FAM117A: variants seen among roughly 807,000 people sequenced by gnomAD.
FAM117A encodes protein FAM117A.
In FAM117A, 21 loss-of-function variants were observed where a neutral mutation model predicts 44.1. That is an observed-to-expected ratio of 0.48 (90% CI 0.34 to 0.69). The LOEUF is 0.69. Ranked by LOEUF, FAM117A falls within the 30% of genes least tolerant of loss-of-function variation. The probability of loss-of-function intolerance (pLI) is 0.01; values close to 1 mark genes in which losing one functional copy is unlikely to be tolerated. For missense variants in FAM117A, 498 were observed against 589.9 expected, an observed-to-expected ratio of 0.84 and a Z score of 1.61; for synonymous variants, 220 against 238.3, an observed-to-expected ratio of 0.92 and a Z score of 0.71.
chr17:49,754,530 T>C (rs1361004073), intron 1 of FAM117A, among the ~76,000 whole-genome samples: 2 of 151,562 alleles, frequency 1.3e-5, no homozygotes, highest in African/African-American at 4.8e-5. Flanking sequence ...GGTCTCGATC[T>C]CCTGACGTCA....
chr17:49,776,734 C>G lies in FAM117A; in HGVS notation c.-621+11763G>C, dbSNP rs73335283. On this transcript the variant is annotated intron_variant, in intron 1 of 7. Coordinates refer to the FAM117A transcript ENST00000513602. ...AAAGGAGGAGGAGGCTGGCGCTGCCCTTTCAGAAAGCCTGCCAAAGCTAGG... is the reference window on the plus strand; with the variant it reads ...AAAGGAGGAGGAGGCTGGCGCTGCCGTTTCAGAAAGCCTGCCAAAGCTAGG... Among the ~76,000 whole-genome samples the G allele has an allele frequency of 8.6e-3, 1,311 of 152,234 alleles. 20 individuals are homozygous for G. Among genetic ancestry groups the G allele is most frequent in the African/African-American group, 0.03 (1,234 of 41,538 alleles).
chr17:49,762,766 G>T (rs1421963555), intron 1 of FAM117A, among the ~76,000 whole-genome samples: 1 of 152,158 alleles, frequency 6.6e-6, no homozygotes, highest in African/African-American at 2.4e-5. Flanking sequence ...TTTCACATCT[G>T]GTGTGAATCA....
intron 5 of FAM117A, 46 bp downstream of exon 5, chr17:49,719,714 G>C: frequency 6.7e-7 from 1 of 1,494,742 alleles, no homozygotes; most frequent in Non-Finnish European, 8.9e-7. Flanking sequence ...CCCAGGCCAA[G>C]TGAGGCACGG....
intron 1 of FAM117A, among the ~76,000 whole-genome samples, chr17:49,733,230 G>A (rs2073593939): frequency 6.6e-6 from 1 of 152,108 alleles, no homozygotes; most frequent in Admixed American, 6.5e-5. Flanking sequence ...TTCAGGACTG[G>A]TTAGCTCCCC....
intron 1 of FAM117A, among the ~76,000 whole-genome samples, chr17:49,784,332 A>T (rs1486429363): frequency 1.3e-5 from 2 of 152,178 alleles, no homozygotes; most frequent in Non-Finnish European, 2.9e-5. Context: ...CAGCCTTCTA[A>T]CTGGTCTCCT....
upstream of FAM117A, chr17:49,788,628 C>CGCG (rs1194975310): frequency 2.0e-6 from 1 of 503,394 alleles, no homozygotes; most frequent in Admixed American, 3.9e-5. Context: ...CGTCAGGTGA[C>CGCG]GCGAGACCCA....
At chr17:49,729,446 G>A (rs747287918) in intron 2 of FAM117A, among the ~76,000 whole-genome samples, 5 of 152,008 alleles carry the variant, frequency 3.3e-5, no homozygotes, top group Admixed American at 6.5e-5. Context: ...TAAGGGCAGC[G>A]GTAGGAACAG....
At chr17:49,726,918 G>A (rs150678929) in intron 2 of FAM117A, among the ~76,000 whole-genome samples, 16 of 151,618 alleles carry the variant, frequency 1.1e-4, no homozygotes, top group African/African-American at 3.6e-4. Context: ...GTTCGAGGCT[G>A]CAGTGAGTCA....
rs544077258 is a variant in FAM117A, at chr17:49,725,241, G to A, written c.367-2647C>T. ...CTAACTTGTCTGCCTCAGGCTGACT[G>A]CTCTTCTGCTCTGTGTCTCCTCCTT... On this transcript the variant is annotated intron_variant, in intron 2 of 7. Transcript: ENST00000240364. Among the ~76,000 whole-genome samples the A allele has an allele frequency of 7.9e-5, 12 of 152,332 alleles. No homozygotes were observed. The South Asian group carries it at 2.5e-3, about 32-fold the overall frequency.
intron 1 of FAM117A, among the ~76,000 whole-genome samples, chr17:49,759,619 G>C (rs1353161272): frequency 6.6e-6 from 1 of 152,174 alleles, no homozygotes; most frequent in Non-Finnish European, 1.5e-5. Flanking sequence ...GGCACCAGTA[G>C]CCACACGGAC....
chr17:49,744,595 T>C (rs2073647208), intron 1 of FAM117A, among the ~76,000 whole-genome samples: 1 of 151,982 alleles, frequency 6.6e-6, no homozygotes, highest in African/African-American at 2.4e-5. Context: ...GCTGGGATTA[T>C]AGGTGTGAGT....
At chr17:49,718,596 A>G (rs533256365) in intron 5 of FAM117A, among the ~76,000 whole-genome samples, 2 of 151,864 alleles carry the variant, frequency 1.3e-5, no homozygotes, top group East Asian at 3.9e-4. Context: ...GCGTGAACCC[A>G]GGAGGCGGAG....
intron 2 of FAM117A, among the ~76,000 whole-genome samples, chr17:49,731,276 G>A (rs976446022): frequency 6.6e-6 from 1 of 152,132 alleles, no homozygotes; most frequent in Non-Finnish European, 1.5e-5. Context: ...GGGCTGACTC[G>A]GACCCTCATG....
intron 1 of FAM117A, among the ~76,000 whole-genome samples, chr17:49,782,250 G>A (rs1305658779): frequency 2.0e-5 from 3 of 151,520 alleles, no homozygotes; most frequent in African/African-American, 4.9e-5. Context: ...GGTGGTGGGC[G>A]CCTGTAGTCC....
rs1303492833 is a variant in FAM117A, at chr17:49,719,869, C to T, written c.599G>A (p.Gly200Glu). 1 of 1,604,842 alleles carries T rather than the reference C, an allele frequency of 6.2e-7. No homozygotes were observed. The highest frequency in any genetic ancestry group is 8.5e-7 in the Non-Finnish European group (1 of 1,177,200). The stretch of plus-strand genomic sequence containing the variant: ...GGGGCTGAGTCGCAAGACAGGGGAC[C>T]CTGAGGGGAAGCTGGGAGGGGACGC... Reference protein sequence around the residue: ...LRASPPSFPSGSPVLRLSPCL... With the variant: ...LRASPPSFPSESPVLRLSPCL... The change falls in exon 5 of 8, where the codon GGG becomes GAG. Residue 200 changes from glycine (G) to glutamate (E), a missense_variant. By Grantham distance (98) the Gly-to-Glu change is moderately conservative (BLOSUM62 -2). Coordinates refer to ENST00000240364, the MANE Select transcript of FAM117A (RefSeq NM_030802.4).
chr17:49,787,424 C>T (rs2073819404), intron 1 of FAM117A, among the ~76,000 whole-genome samples: 3 of 152,250 alleles, frequency 2.0e-5, no homozygotes, highest in Admixed American at 1.3e-4. Flanking sequence ...TGTGTCAACA[C>T]TGGCCCAGGA....
chr17:49,725,656 G>GT (rs2073556377), intron 2 of FAM117A, among the ~76,000 whole-genome samples: 2 of 152,218 alleles, frequency 1.3e-5, no homozygotes, highest in South Asian at 4.1e-4. Context: ...AGCCTGGCAT[G>GT]TTTGAGAATG....
chr17:49,722,914 A>G (rs1477877902), intron 2 of FAM117A, among the ~76,000 whole-genome samples: 27 of 152,168 alleles, frequency 1.8e-4, no homozygotes, highest in Admixed American at 1.8e-3. Context: ...TGCCACTCCT[A>G]TCCCAACCAG....
At chr17:49,774,061 A>T (rs1483796355) in intron 1 of FAM117A, among the ~76,000 whole-genome samples, 1 of 152,056 alleles carries the variant, frequency 6.6e-6, no homozygotes, top group Non-Finnish European at 1.5e-5. Flanking sequence ...GCCTTAAGGT[A>T]GCTTTATAAT....
Sources: allele counts gnomAD v4.1 joint callset (sites outside exome capture counted in the v4.1 genomes callset), GRCh38; gene constraint gnomAD v4.1.1; transcripts MANE v1.5; gene names NCBI Gene and HGNC (gene_info 2026-07-23, HGNC 2026-07-21).